Variants in PLS1 observed in about 807,000 individuals in gnomAD.
PLS1 encodes plastin-1.
PLS1 carries 32 observed loss-of-function variants against 73.7 expected under a neutral mutation model. The observed-to-expected ratio is 0.43, with a 90% confidence interval of 0.33 to 0.58. The LOEUF is 0.58. PLS1 is among the 20% of genes least tolerant of loss of function. The probability of loss-of-function intolerance (pLI) is 0.04; values close to 1 mark genes in which losing one functional copy is unlikely to be tolerated. For missense variants in PLS1, 633 were observed against 740.5 expected, an observed-to-expected ratio of 0.85 and a Z score of 1.68; for synonymous variants, 217 against 261.3, an observed-to-expected ratio of 0.83 and a Z score of 1.63.
chr3:142,667,192 G>A (rs1179229997), intron 2 of PLS1, among the ~76,000 whole-genome samples: 9 of 152,240 alleles, frequency 5.9e-5, no homozygotes, highest in South Asian at 2.1e-4. Context: ...CGAGGCAGGC[G>A]GATCACAAGG....
rs1009675075 is a variant in PLS1, at chr3:142,643,623, C to T, written c.-36-20579C>T. 2.0e-5 allele frequency among the ~76,000 whole-genome samples: 3 copies of T among 152,224 alleles called. No individual in the cohort carries two copies. In the East Asian group the frequency reaches 5.8e-4, roughly 29 times the overall value. ...ATATAAGTTCTGGGGTCCTAGTATACATCAAAGAATGGAGAGGGATCTACA... is the reference window on the plus strand; with the variant it reads ...ATATAAGTTCTGGGGTCCTAGTATATATCAAAGAATGGAGAGGGATCTACA... On this transcript the variant is annotated intron_variant, in intron 1 of 15. Transcript: ENST00000457734.
chr3:142,641,441 T>C (rs2036838788), intron 1 of PLS1, among the ~76,000 whole-genome samples: 2 of 151,226 alleles, frequency 1.3e-5, no homozygotes, highest in South Asian at 4.1e-4. Flanking sequence ...TATGTATGAA[T>C]ATATATATCC....
intron 4 of PLS1, among the ~76,000 whole-genome samples, chr3:142,675,854 CA>C (rs2037713521): frequency 6.6e-6 from 1 of 151,690 alleles, no homozygotes; most frequent in Admixed American, 6.6e-5. Context: ...TTTGTATTTT[CA>C]ATAGAGACGG....
chr3:142,608,054 A>C (rs1560027640), intron 1 of PLS1, among the ~76,000 whole-genome samples: 1 of 152,114 alleles, frequency 6.6e-6, no homozygotes. Flanking sequence ...CATGTTGCCC[A>C]TGCTGGTCTC....
intron 1 of PLS1, among the ~76,000 whole-genome samples, chr3:142,618,997 C>T (rs1473113338): frequency 1.3e-5 from 2 of 152,164 alleles, no homozygotes; most frequent in African/African-American, 2.4e-5. Context: ...TGTTGTCTGC[C>T]TCTGTTGACA....
chr3:142,633,664 C>CA (rs751692646), intron 1 of PLS1, among the ~76,000 whole-genome samples: 1 of 139,306 alleles, frequency 7.2e-6, no homozygotes, highest in Admixed American at 7.0e-5. Context: ...CTCAAACAAA[C>CA]AAACAAAACA....
At chr3:142,603,055 C>T (rs187955457) in intron 1 of PLS1, among the ~76,000 whole-genome samples, 3 of 152,122 alleles carry the variant, frequency 2.0e-5, no homozygotes, top group African/African-American at 7.2e-5. Context: ...TGATGAACGT[C>T]GGGGAGAAAG....
At chr3:142,709,048 G>A (rs969537035) in intron 14 of PLS1, among the ~76,000 whole-genome samples, 2 of 151,960 alleles carry the variant, frequency 1.3e-5, no homozygotes, top group Admixed American at 6.5e-5. Context: ...AATTAAATAA[G>A]TCACTTGTAT....
At chr3:142,674,440 C>G (rs2037675898) in intron 4 of PLS1, among the ~76,000 whole-genome samples, 1 of 152,162 alleles carries the variant, frequency 6.6e-6, no homozygotes, top group Admixed American at 6.6e-5. Context: ...ATTCTAGGAA[C>G]TGGGGCAACA....
At chr3:142,635,778 G>A (rs1018455468) in intron 1 of PLS1, among the ~76,000 whole-genome samples, 1 of 152,142 alleles carries the variant, frequency 6.6e-6, no homozygotes, top group Non-Finnish European at 1.5e-5. Context: ...AAATGTGAAT[G>A]ACCTAGAATG....
At chr3:142,611,550 AG>A (rs2036120199) in intron 1 of PLS1, among the ~76,000 whole-genome samples, 1 of 152,210 alleles carries the variant, frequency 6.6e-6, no homozygotes, top group South Asian at 2.1e-4. Context: ...TGAGCCCAGG[AG>A]TTTGAGGCTG....
At chr3:142,676,040 A>G in intron 4 of PLS1, 117 bp from the exon 5 acceptor site, 2 of 797,882 alleles carry the variant, frequency 2.5e-6, no homozygotes, top group East Asian at 2.6e-5. Context: ...ATGGTCAATT[A>G]TTATCTTTGA....
chr3:142,659,780 T>C (rs1014147352), intron 1 of PLS1, among the ~76,000 whole-genome samples: 3 of 151,858 alleles, frequency 2.0e-5, no homozygotes, highest in African/African-American at 7.3e-5. Context: ...CACTGTAACC[T>C]CCGCCTCTTG....
At chr3:142,650,211 CTTTTTTTTTTTTTTTTTTTTTTTT>C (rs1171297517) in intron 1 of PLS1, among the ~76,000 whole-genome samples, 24 of 70,874 alleles carry the variant, frequency 3.4e-4, no homozygotes, top group African/African-American at 1.4e-3. Flanking sequence ...GCTTCTTCTT[CTTTTTTTTTTTTTTTTTTTTTTTT>C]TGAGACTGAG....
chr3:142,641,374 G>T (rs2036836803), intron 1 of PLS1, among the ~76,000 whole-genome samples: 1 of 148,316 alleles, frequency 6.7e-6, no homozygotes, highest in African/African-American at 2.5e-5. Context: ...AAAAAATTAA[G>T]GCATTCATAA....
Position 142,671,058 on chromosome 3 carries a change from A to G in PLS1, c.300A>G (p.Glu100=). 1 of 1,604,730 alleles carries G rather than the reference A, an allele frequency of 6.2e-7. No individual in the cohort carries two copies. Among genetic ancestry groups the G allele is most frequent in the Non-Finnish European group, 8.5e-7 (1 of 1,171,882 alleles). Residue 100 remains glutamate, a synonymous_variant, in exon 4 of 16, where the codon GAA becomes GAG. Coordinates refer to ENST00000457734, the MANE Select transcript of PLS1 (RefSeq NM_001145319.2). ...KTFRKIINKR[E]GITAIGGTST... is the part of the protein sequence containing the mutation. ...TCCGAAAAATAATTAACAAGAGGGA[A>G]GGGATTACTGCTATTGGAGGAACTT...
chr3:142,646,737 C>G (rs940692468), intron 1 of PLS1, among the ~76,000 whole-genome samples: 4 of 152,262 alleles, frequency 2.6e-5, no homozygotes, highest in African/African-American at 9.6e-5. Context: ...TTCTTCAGCT[C>G]TCTCTTGATT....
At chr3:142,711,112 T>C (rs981669356) in intron 14 of PLS1, among the ~76,000 whole-genome samples, 5 of 152,328 alleles carry the variant, frequency 3.3e-5, no homozygotes, top group African/African-American at 1.2e-4. Context: ...CATTTTTCTT[T>C]CTGAAAAATA....
rs574906585 is a variant in PLS1, at chr3:142,611,710, C to T, written c.-37+15201C>T. On this transcript the variant is annotated intron_variant, in intron 1 of 15. Transcript: ENST00000457734. Reference sequence around the variant, plus strand: ...AGTATGTACATACTATATACATAAGCGCACACACATATTGCTTTTGAGGAC... The same window carrying T: ...AGTATGTACATACTATATACATAAGTGCACACACATATTGCTTTTGAGGAC... Among the ~76,000 whole-genome samples the T allele has an allele frequency of 4.3e-4, 65 of 152,092 alleles. 1 individual carries two copies. In the South Asian group the frequency reaches 0.012, roughly 27 times the overall value.
Sources: gnomAD v4.1 joint callset for allele counts (sites outside exome capture counted in the v4.1 genomes callset) on GRCh38, gnomAD v4.1.1 for gene constraint, MANE v1.5 for transcripts, NCBI Gene and HGNC (gene_info 2026-07-23, HGNC 2026-07-21) for gene names.